Variants in PPP6R3 observed in about 807,000 individuals in gnomAD.
PPP6R3 encodes the protein serine/threonine-protein phosphatase 6 regulatory subunit 3.
In PPP6R3, 38 loss-of-function variants were observed where a neutral mutation model predicts 110.7. That is an observed-to-expected ratio of 0.34 (90% CI 0.26 to 0.45). The LOEUF (loss-of-function observed/expected upper bound fraction) is 0.45. PPP6R3 is among the 20% of genes least tolerant of loss of function. PPP6R3 has a pLI of 1.00. For missense variants in PPP6R3, 870 were observed against 1,062.4 expected, an observed-to-expected ratio of 0.82 and a Z score of 2.52; for synonymous variants, 369 against 373.5, an observed-to-expected ratio of 0.99 and a Z score of 0.14.
chr11:68,565,193 T>C (rs1316072089), intron 9 of PPP6R3, among the ~76,000 whole-genome samples: 1 of 152,076 alleles, frequency 6.6e-6, no homozygotes, highest in Non-Finnish European at 1.5e-5. Flanking sequence ...ACTTGTAAAT[T>C]AGATGTTTTC....
chr11:68,567,191 A>G, intron 10 of PPP6R3, 25 bp downstream of exon 10: 3 of 1,512,866 alleles, frequency 2.0e-6, no homozygotes, highest in East Asian at 2.5e-5. Flanking sequence ...GCTCACAGAC[A>G]TTTTAATTTG....
At position 68,533,053 on chromosome 11, in the gene PPP6R3, C is replaced by T. The variant is rs556236698; in HGVS notation, c.-6-4606C>T. Among the ~76,000 whole-genome samples the T allele has an allele frequency of 4.6e-5, 7 of 152,270 alleles. No homozygotes were observed. In the South Asian group the frequency reaches 1.2e-3, roughly 27 times the overall value. Reference sequence around the variant, plus strand: ...TAAAAACAAGTTGTTGAAGTTCTGACTTTTTGGTTTTTCTGTGTAGTTTAG... The same window carrying T: ...TAAAAACAAGTTGTTGAAGTTCTGATTTTTTGGTTTTTCTGTGTAGTTTAG... On this transcript the variant is annotated intron_variant, in intron 2 of 23. Coordinates refer to ENST00000393800, the MANE Select transcript of PPP6R3 (RefSeq NM_001164161.2).
At chr11:68,588,113 G>T in intron 16 of PPP6R3, 89 bp downstream of exon 16, 1 of 1,155,022 alleles carries the variant, frequency 8.7e-7, no homozygotes, top group South Asian at 1.3e-5. Context: ...TCTTAGTCTT[G>T]AGCATTCGTG....
intron 6 of PPP6R3, among the ~76,000 whole-genome samples, chr11:68,551,933 C>T (rs750271940): frequency 2.0e-5 from 3 of 152,124 alleles, no homozygotes; most frequent in Admixed American, 6.5e-5. Flanking sequence ...ACTTCCTAGC[C>T]GTGGCTGTTA....
At chr11:68,594,351 A>AGAGAGT (rs1566085292) in intron 18 of PPP6R3, among the ~76,000 whole-genome samples, 3 of 147,222 alleles carry the variant, frequency 2.0e-5, no homozygotes, top group African/African-American at 7.9e-5. Flanking sequence ...AGAGAGTGAG[A>AGAGAGT]GAGAGAGAGA....
intron 1 of PPP6R3, among the ~76,000 whole-genome samples, chr11:68,476,633 T>C (rs1191621123): frequency 6.6e-6 from 1 of 152,248 alleles, no homozygotes; most frequent in African/African-American, 2.4e-5. Flanking sequence ...TGTATAATTT[T>C]TATCTTTAAT....
At position 68,609,432 on chromosome 11, in the gene PPP6R3, A is replaced by G. The variant is rs569891209; in HGVS notation, c.2451-472A>G. The G allele has an allele frequency of 1.2e-4, 96 of 784,670 alleles. 2 individuals are homozygous for G. In the South Asian group the frequency reaches 1.3e-3, roughly 11 times the overall value. The allele number at this position is 784,670 out of a possible 1,614,324, so 48.6% of individuals were successfully genotyped here. A position where few individuals can be genotyped will look rare whatever the true frequency, so the allele number is the denominator to read the frequency against. On this transcript the variant is annotated intron_variant, in intron 22 of 23. Coordinates refer to ENST00000393800, the MANE Select transcript of PPP6R3 (RefSeq NM_001164161.2). ...TGCTTTAATGGTGGGCTTGGCCCCA[A>G]AAGCAAAGTGCTTTAACTAAAGACT... is the stretch of plus-strand genomic sequence containing the variant.
At chr11:68,559,777 G>A (rs969045780) in intron 8 of PPP6R3, among the ~76,000 whole-genome samples, 2 of 150,988 alleles carry the variant, frequency 1.3e-5, no homozygotes, top group African/African-American at 4.9e-5. Flanking sequence ...TCCCACCCCA[G>A]GGGTACAGTA....
chr11:68,478,202 C>A (rs2098850291), intron 1 of PPP6R3, among the ~76,000 whole-genome samples: 5 of 151,850 alleles, frequency 3.3e-5, no homozygotes, highest in Non-Finnish European at 7.4e-5. Flanking sequence ...CCTGCCTCAG[C>A]CTTCCAAAGT....
intron 10 of PPP6R3, among the ~76,000 whole-genome samples, chr11:68,568,298 TGG>T (rs2099487282): frequency 6.6e-6 from 1 of 152,232 alleles, no homozygotes; most frequent in Admixed American, 6.5e-5. Context: ...CATTGATCAC[TGG>T]TCTTTAATTT....
chr11:68,466,523 C>T (rs1237174813), intron 1 of PPP6R3, among the ~76,000 whole-genome samples: 1 of 150,842 alleles, frequency 6.6e-6, no homozygotes, highest in African/African-American at 2.4e-5. Flanking sequence ...ACTGCCAGCT[C>T]TGCCTCCCGG....
rs1414211808 is a variant in PPP6R3, at chr11:68,614,827, C to T, written c.*1710C>T. 1 of 1,357,302 alleles carries T rather than the reference C, an allele frequency of 7.4e-7. No homozygotes were observed. Among genetic ancestry groups the T allele is most frequent in the Non-Finnish European group, 1.0e-6 (1 of 976,982 alleles). The allele number at this position is 1,357,302 out of a possible 1,614,324, so 84.1% of individuals were successfully genotyped here. A position where few individuals can be genotyped will look rare whatever the true frequency, so the allele number is the denominator to read the frequency against. On this transcript the variant is annotated 3_prime_UTR_variant, in exon 24 of 24. Coordinates refer to ENST00000393800, the MANE Select transcript of PPP6R3 (RefSeq NM_001164161.2). ...AGAGGACAGGGCTCCTCCTGCTTGC[C>T]TCAGGGCTGCCTGACTTGAATGGCG...
At chr11:68,572,387 A>G (rs1236289061) in intron 12 of PPP6R3, among the ~76,000 whole-genome samples, 3 of 152,118 alleles carry the variant, frequency 2.0e-5, no homozygotes, top group Non-Finnish European at 4.4e-5. Context: ...GTTTCCTTGC[A>G]CAACAGCCTG....
intron 1 of PPP6R3, among the ~76,000 whole-genome samples, chr11:68,497,557 G>A (rs1013607028): frequency 2.7e-5 from 4 of 150,702 alleles, no homozygotes; most frequent in African/African-American, 9.9e-5. Flanking sequence ...GATTTACCAC[G>A]TTGCCCATGC....
At chr11:68,547,970 G>A in intron 4 of PPP6R3, 97 bp from the exon 5 acceptor site, 1 of 1,247,824 alleles carries the variant, frequency 8.0e-7, no homozygotes, top group Non-Finnish European at 1.1e-6. Context: ...ACCTAAAGTA[G>A]TGGTAGAATT....
intron 1 of PPP6R3, among the ~76,000 whole-genome samples, chr11:68,494,123 A>C (rs1189224035): frequency 0.014 from 1 of 72 alleles, no homozygotes; most frequent in Non-Finnish European, 0.029. Context: ...AAAAAGAATA[A>C]ATAAAAAAGA....
At chr11:68,492,146 G>A (rs190376123) in intron 1 of PPP6R3, among the ~76,000 whole-genome samples, 2 of 152,220 alleles carry the variant, frequency 1.3e-5, no homozygotes, top group Non-Finnish European at 2.9e-5. Context: ...GGATGTGTCC[G>A]AATTTCCTTT....
intron 3 of PPP6R3, among the ~76,000 whole-genome samples, chr11:68,542,389 G>GTTTTTTTTTTTTTTGTTT (rs2099322154): frequency 2.5e-5 from 1 of 40,188 alleles, no homozygotes; most frequent in African/African-American, 1.0e-4. Flanking sequence ...AGAAGCTGCT[G>GTTTTTTTTTTTTTTGTTT]TTTTTTTTTT....
At chr11:68,472,832 CA>C (rs1421824056) in intron 1 of PPP6R3, among the ~76,000 whole-genome samples, 2 of 152,162 alleles carry the variant, frequency 1.3e-5, no homozygotes, top group African/African-American at 4.8e-5. Flanking sequence ...TTAATAGAAT[CA>C]TACAATAGGT....
Sources: allele counts gnomAD v4.1 joint callset (sites outside exome capture counted in the v4.1 genomes callset), GRCh38; gene constraint gnomAD v4.1.1; transcripts MANE v1.5; gene names NCBI Gene and HGNC (gene_info 2026-07-23, HGNC 2026-07-21).